Variants in DLG2 observed in about 807,000 individuals in gnomAD.
DLG2 encodes disks large homolog 2.
DLG2 carries 45 observed loss-of-function variants against 132.5 expected under a neutral mutation model. That is an observed-to-expected ratio of 0.34 (90% confidence interval 0.27 to 0.44). The LOEUF (loss-of-function observed/expected upper bound fraction) is 0.44, where lower values mean the gene tolerates loss of function less well. DLG2 is among the 20% of genes least tolerant of loss of function. The probability of loss-of-function intolerance (pLI) is 1.00; values close to 1 mark genes in which losing one functional copy is unlikely to be tolerated. For missense variants in DLG2, 1,045 were observed against 1,196.9 expected (o/e 0.87, Z 1.87); for synonymous variants, 424 against 419.6 (o/e 1.01, Z -0.13).
chr11:83,746,093 A>T (rs986885204), intron 18 of DLG2, among the ~76,000 whole-genome samples: 1 of 152,124 alleles, frequency 6.6e-6, no homozygotes, highest in Non-Finnish European at 1.5e-5. Flanking sequence ...GCTGGAGAGG[A>T]TGTGGAGAAA....
Position 84,151,627 on chromosome 11 carries a change from C to T in DLG2, c.624+11834G>A, listed in dbSNP as rs150387580. Among the ~76,000 whole-genome samples, 36 of 152,120 alleles carry T rather than the reference C, an allele frequency of 2.4e-4. 1 individual carries two copies. Among genetic ancestry groups the T allele is most frequent in the Admixed American group, 1.1e-3 (17 of 15,288 alleles). Reference sequence around the variant, plus strand: ...TTCTTGTTTTTCTAGATCCTCTAGGCGTAATGTTAGATTGTTAATGTGAGA... The same window carrying T: ...TTCTTGTTTTTCTAGATCCTCTAGGTGTAATGTTAGATTGTTAATGTGAGA... On this transcript the variant is annotated intron_variant, in intron 9 of 27. Coordinates refer to ENST00000376104, the MANE Select transcript of DLG2 (RefSeq NM_001142699.3).
chr11:83,639,310 A>G (rs530448718), intron 18 of DLG2, among the ~76,000 whole-genome samples: 1 of 151,834 alleles, frequency 6.6e-6, no homozygotes, highest in Non-Finnish European at 1.5e-5. Context: ...AGGGTTAGAA[A>G]CTCTATGTTA....
intron 22 of DLG2, among the ~76,000 whole-genome samples, chr11:83,474,468 T>C (rs144785828): frequency 6.1e-4 from 93 of 152,276 alleles, no homozygotes; most frequent in Admixed American, 1.2e-3. Flanking sequence ...TAGACTAACA[T>C]TGCAATTTTA....
chr11:83,880,282 G>A (rs1178253894), intron 15 of DLG2, among the ~76,000 whole-genome samples: 1 of 152,172 alleles, frequency 6.6e-6, no homozygotes, highest in African/African-American at 2.4e-5. Context: ...ATGAAAGGAA[G>A]TGGAGGAAAT....
chr11:84,436,851 A>G (rs2099002329), intron 7 of DLG2, among the ~76,000 whole-genome samples: 1 of 152,166 alleles, frequency 6.6e-6, no homozygotes, highest in Non-Finnish European at 1.5e-5. Context: ...CATTGTGAAC[A>G]CTTTTGAAAC....
At chr11:84,615,657 G>T (rs576727735) in intron 6 of DLG2, among the ~76,000 whole-genome samples, 78 of 151,338 alleles carry the variant, frequency 5.2e-4, no homozygotes, top group Non-Finnish European at 1.0e-3. Context: ...GGACAGAGTT[G>T]CCCTCTGTTT....
At chr11:85,554,474 C>G (rs1348770323) in intron 3 of DLG2, among the ~76,000 whole-genome samples, 4 of 151,866 alleles carry the variant, frequency 2.6e-5, no homozygotes, top group Admixed American at 2.6e-4. Context: ...ACATGGCTGA[C>G]TCCATTTGAT....
At chr11:85,445,673 T>G (rs190645081) in intron 3 of DLG2, among the ~76,000 whole-genome samples, 1 of 152,046 alleles carries the variant, frequency 6.6e-6, no homozygotes, top group Non-Finnish European at 1.5e-5. Flanking sequence ...AGAGTGAAAC[T>G]CCGTCTCAAA....
At chr11:84,983,171 T>C (rs2056005726) in intron 6 of DLG2, among the ~76,000 whole-genome samples, 1 of 152,144 alleles carries the variant, frequency 6.6e-6, no homozygotes, top group African/African-American at 2.4e-5. Flanking sequence ...TGTTCCAAAA[T>C]GACTGCAGGA....
intron 6 of DLG2, among the ~76,000 whole-genome samples, chr11:84,911,168 T>A (rs965281830): frequency 1.3e-5 from 2 of 152,188 alleles, no homozygotes; most frequent in African/African-American, 4.8e-5. Context: ...AGGTGCAATG[T>A]TAATACTTTG....
intron 5 of DLG2, among the ~76,000 whole-genome samples, chr11:85,153,085 C>G (rs1024860638): frequency 6.6e-6 from 1 of 152,136 alleles, no homozygotes; most frequent in African/African-American, 2.4e-5. Flanking sequence ...ATTTCATCCT[C>G]TTTATATTAC....
intron 6 of DLG2, among the ~76,000 whole-genome samples, chr11:84,821,907 C>G (rs906032898): frequency 2.0e-5 from 3 of 151,554 alleles, no homozygotes; most frequent in Non-Finnish European, 4.4e-5. Flanking sequence ...AAACAAGAAA[C>G]AAGCAGATGA....
chr11:84,372,004 GTCAGACCTTTGGCATTTACTT>G (rs2098708732), intron 7 of DLG2, among the ~76,000 whole-genome samples: 1 of 152,182 alleles, frequency 6.6e-6, no homozygotes, highest in Non-Finnish European at 1.5e-5. Context: ...CTTGTTAGGT[GTCAGACCTTTGGCATTTACTT>G]TCAAGGATTT....
chr11:83,479,124 T>A (rs2092879725), intron 22 of DLG2, among the ~76,000 whole-genome samples: 1 of 151,958 alleles, frequency 6.6e-6, no homozygotes, highest in African/African-American at 2.4e-5. Context: ...AATTAGGTGG[T>A]TCCTATATCA....
chr11:83,495,439 A>G (rs1243086248), intron 21 of DLG2, among the ~76,000 whole-genome samples: 6 of 152,134 alleles, frequency 3.9e-5, no homozygotes, highest in Admixed American at 6.6e-5. Flanking sequence ...GAAGTACTCT[A>G]TCTTCAAAAC....
chr11:85,273,682 T>C (rs977895937), intron 4 of DLG2, among the ~76,000 whole-genome samples: 12 of 152,364 alleles, frequency 7.9e-5, no homozygotes, highest in African/African-American at 2.4e-4. Context: ...TCAACCATTG[T>C]GGAAGTCAGT....
At chr11:85,343,492 T>C (rs1250986180) in intron 3 of DLG2, among the ~76,000 whole-genome samples, 1 of 152,214 alleles carries the variant, frequency 6.6e-6, no homozygotes, top group Non-Finnish European at 1.5e-5. Context: ...AGTGTCTTTT[T>C]TTAATTAAAT....
At chr11:85,036,817 G>A (rs1027023623) in intron 6 of DLG2, among the ~76,000 whole-genome samples, 5 of 151,984 alleles carry the variant, frequency 3.3e-5, no homozygotes, top group Non-Finnish European at 7.4e-5. Context: ...TCTACAACAG[G>A]GATCAGCAAT....
At chr11:83,742,614 A>T (rs2092612711) in intron 18 of DLG2, among the ~76,000 whole-genome samples, 1 of 152,108 alleles carries the variant, frequency 6.6e-6, no homozygotes, top group African/African-American at 2.4e-5. Flanking sequence ...GAATTAGCTC[A>T]ACTCTGGATT....
Sources: gnomAD v4.1 joint callset for allele counts (sites outside exome capture counted in the v4.1 genomes callset) on GRCh38, gnomAD v4.1.1 for gene constraint, MANE v1.5 for transcripts, NCBI Gene and HGNC (gene_info 2026-07-23, HGNC 2026-07-21) for gene names.